The following SLC24A3 variants were observed in gnomAD, a reference collection of about 807,000 sequenced individuals.
SLC24A3 encodes sodium/potassium/calcium exchanger 3.
In SLC24A3, 28 loss-of-function variants were observed where a neutral mutation model predicts 75.8. The observed-to-expected ratio is 0.37, with a 90% CI of 0.27 to 0.51. SLC24A3 has a LOEUF of 0.51. SLC24A3 is among the 20% of genes least tolerant of loss of function. SLC24A3 has a pLI of 0.94. For synonymous variants in SLC24A3, 372 were observed against 334.1 expected, an observed-to-expected ratio of 1.11 and a Z score of -1.24; for missense variants, 663 against 847.8, an observed-to-expected ratio of 0.78 and a Z score of 2.71.
At chr20:19,656,387 C>CAGA (rs2032266150) in intron 7 of SLC24A3, among the ~76,000 whole-genome samples, 1 of 151,788 alleles carries the variant, frequency 6.6e-6, no homozygotes, top group Non-Finnish European at 1.5e-5. Flanking sequence ...CAGAGAGGTT[C>CAGA]ATGCTGGAAC....
At chr20:19,500,662 A>G (rs951150190) in intron 2 of SLC24A3, among the ~76,000 whole-genome samples, 4 of 152,256 alleles carry the variant, frequency 2.6e-5, no homozygotes, top group African/African-American at 9.6e-5. Flanking sequence ...CAAAGGAAGC[A>G]ATGATATTAA....
intron 3 of SLC24A3, among the ~76,000 whole-genome samples, chr20:19,565,231 C>T (rs1485770585): frequency 6.6e-6 from 1 of 152,184 alleles, no homozygotes; most frequent in Non-Finnish European, 1.5e-5. Context: ...TATATTGGGG[C>T]TCCATTAGAT....
intron 2 of SLC24A3, among the ~76,000 whole-genome samples, chr20:19,399,568 A>T (rs1600464782): frequency 6.6e-6 from 1 of 152,294 alleles, no homozygotes; most frequent in Admixed American, 6.5e-5. Flanking sequence ...TCCCTTTGTG[A>T]CTGATTTCTA....
chr20:19,667,398 AT>A (rs1211592595), intron 8 of SLC24A3, among the ~76,000 whole-genome samples: 2 of 152,222 alleles, frequency 1.3e-5, no homozygotes, highest in African/African-American at 2.4e-5. Flanking sequence ...AGTGAGGGGC[AT>A]TTTTCCCCCC....
rs138721638 is a variant in SLC24A3, at chr20:19,682,034, A to G, written c.901+43A>G. The stretch of plus-strand genomic sequence containing the variant: ...TTTGGGGTCCAAGGCAGGAGGATCA[A>G]TTGAGGCCAGGAGTTCAAGACCAGC... On this transcript the variant is annotated intron_variant, in intron 10 of 16. Transcript: ENST00000328041. The G allele has an allele frequency of 9.2e-5, 148 of 1,604,036 alleles. No homozygotes were observed. The African/African-American group carries it at 1.4e-3, about 15-fold the overall frequency.
chr20:19,356,852 T>TTAATAA (rs11275262), intron 2 of SLC24A3, among the ~76,000 whole-genome samples: 10,218 of 149,808 alleles, frequency 0.068, 834 homozygotes, highest in East Asian at 0.25. Flanking sequence ...AGACTTTGCA[T>TTAATAA]TAATAATAAT....
chr20:19,252,187 C>T (rs1007930343), intron 1 of SLC24A3, among the ~76,000 whole-genome samples: 9 of 152,318 alleles, frequency 5.9e-5, no homozygotes, highest in African/African-American at 2.2e-4. Flanking sequence ...TATTGTTCCT[C>T]TTGACAGAGT....
At chr20:19,705,357 GTCT>G (rs2032917741) in intron 15 of SLC24A3, among the ~76,000 whole-genome samples, 1 of 152,128 alleles carries the variant, frequency 6.6e-6, no homozygotes, top group South Asian at 2.1e-4. Flanking sequence ...CTCTTTGGGT[GTCT>G]TCAAGTGGTC....
chr20:19,702,060 A>C (rs947043103), intron 15 of SLC24A3, among the ~76,000 whole-genome samples: 1 of 152,148 alleles, frequency 6.6e-6, no homozygotes, highest in Non-Finnish European at 1.5e-5. Context: ...CCAGAAGCAA[A>C]CCAGTTTATC....
At chr20:19,637,898 A>G (rs1356234533) in intron 6 of SLC24A3, among the ~76,000 whole-genome samples, 1 of 152,242 alleles carries the variant, frequency 6.6e-6, no homozygotes, top group Non-Finnish European at 1.5e-5. Context: ...TAACTATCAA[A>G]TAGATTAGGA....
At chr20:19,453,642 T>C (rs1191128977) in intron 2 of SLC24A3, among the ~76,000 whole-genome samples, 2 of 152,230 alleles carry the variant, frequency 1.3e-5, no homozygotes, top group Admixed American at 6.5e-5. Context: ...GAAGTTCTAC[T>C]TGAGGCATAT....
At chr20:19,684,704 T>G (rs1193894724) in intron 11 of SLC24A3, among the ~76,000 whole-genome samples, 4 of 152,222 alleles carry the variant, frequency 2.6e-5, no homozygotes, top group African/African-American at 9.6e-5. Flanking sequence ...GACTTGAATT[T>G]TGCTGTGCAT....
intron 9 of SLC24A3, among the ~76,000 whole-genome samples, chr20:19,678,326 C>T (rs1258079683): frequency 5.5e-5 from 7 of 126,172 alleles, no homozygotes; most frequent in Non-Finnish European, 8.7e-5. Flanking sequence ...GGCGGCTGGC[C>T]GGGCGGGGGG....
At chr20:19,654,183 A>G (rs2032238940) in intron 7 of SLC24A3, 47 bp downstream of exon 7, 1 of 1,575,442 alleles carries the variant, frequency 6.3e-7, no homozygotes, top group Non-Finnish European at 8.7e-7. Context: ...TCTTTTAAGC[A>G]CCAGGGGTGG....
At chr20:19,591,871 T>C (rs1159117351) in intron 6 of SLC24A3, among the ~76,000 whole-genome samples, 2 of 152,216 alleles carry the variant, frequency 1.3e-5, no homozygotes, top group East Asian at 1.9e-4. Context: ...GCTGCCTCAA[T>C]GTCTGCTTTC....
chr20:19,635,294 A>C (rs962385027), intron 6 of SLC24A3, among the ~76,000 whole-genome samples: 1 of 152,218 alleles, frequency 6.6e-6, no homozygotes, highest in Non-Finnish European at 1.5e-5. Context: ...GATCCAGAGT[A>C]TGGAAATCCT....
At chr20:19,368,449 C>T (rs1057000969) in intron 2 of SLC24A3, among the ~76,000 whole-genome samples, 13 of 152,234 alleles carry the variant, frequency 8.5e-5, no homozygotes, top group South Asian at 4.1e-4. Flanking sequence ...CACATGCTGT[C>T]GGCCCTGCAT....
chr20:19,279,410 C>A (rs993713967), intron 1 of SLC24A3, among the ~76,000 whole-genome samples: 1 of 152,238 alleles, frequency 6.6e-6, no homozygotes, highest in African/African-American at 2.4e-5. Flanking sequence ...GTCTGTGTCT[C>A]CCCATGGCCC....
chr20:19,256,645 T>A (rs1287481915), intron 1 of SLC24A3, among the ~76,000 whole-genome samples: 2 of 151,878 alleles, frequency 1.3e-5, no homozygotes, highest in Non-Finnish European at 2.9e-5. Context: ...GGCATACGCT[T>A]GTAGTCCCAG....
Sources: allele counts gnomAD v4.1 joint callset (sites outside exome capture counted in the v4.1 genomes callset), GRCh38; gene constraint gnomAD v4.1.1; transcripts MANE v1.5; gene names NCBI Gene and HGNC (gene_info 2026-07-23, HGNC 2026-07-21).